Variants in R3HDM4 observed in about 807,000 individuals in gnomAD.
R3HDM4 encodes R3H domain-containing protein 4.
R3HDM4 carries 30 observed loss-of-function variants against 31.3 expected under a neutral mutation model. The observed-to-expected ratio is 0.96, with a 90% CI of 0.72 to 1.30. R3HDM4 has a LOEUF of 1.30. Ranked by LOEUF, R3HDM4 falls within the 50% of genes most tolerant of loss-of-function variation. The pLI, the probability that R3HDM4 is intolerant of heterozygous loss-of-function variation, is 0.00. For synonymous variants in R3HDM4, 196 were observed against 156.6 expected, an observed-to-expected ratio of 1.25 and a Z score of -1.88; for missense variants, 444 against 366.1, an observed-to-expected ratio of 1.21 and a Z score of -1.74.
rs865933260 is a variant in R3HDM4, at chr19:907,234, G to A, written c.72-5104C>T. Among the ~76,000 whole-genome samples, 2 of 152,166 alleles carry A rather than the reference G, an allele frequency of 1.3e-5. No individual in the cohort carries two copies. Among genetic ancestry groups the A allele is most frequent in the Non-Finnish European group, 2.9e-5 (2 of 68,036 alleles). On this transcript the variant is annotated intron_variant, in intron 1 of 7. Coordinates refer to ENST00000361574, the MANE Select transcript of R3HDM4 (RefSeq NM_138774.4). This position sits in a 1 kb window ranked among gnomAD's most constrained non-coding sequence, Gnocchi z 4.1. ...GCCCTCAGCACAGAGCACAGCAGCCGACGGGTACTCAGTGGGAATACAGGG... is the reference window on the plus strand; with the variant it reads ...GCCCTCAGCACAGAGCACAGCAGCCAACGGGTACTCAGTGGGAATACAGGG...
rs1168727808 is a variant in R3HDM4, at chr19:899,682, GT to G, written c.565del (p.Thr189ArgfsTer25). 6.3e-7 allele frequency: 1 copy of G among 1,584,218 alleles called. No homozygotes were observed. The highest frequency in any genetic ancestry group is 1.4e-5 in the African/African-American group (1 of 73,624). ...CAGCCGCTCCTCCCAGGTCTCCAGC[GT>G]TTCCTGGGGAGAGCGGCCCGGTGGT... is the stretch of plus-strand genomic sequence containing the variant. Reference protein sequence around the residue: ...VLKRSRIPMETLETWEERLLR... With the variant: ...VLKRSRIPMEXLETWEERLLR... On this transcript the variant is annotated frameshift_variant, in exon 6 of 8. Transcript: ENST00000361574. LOFTEE classifies it high-confidence loss of function. The surrounding 1 kb of genome is among the most constrained non-coding windows in gnomAD (Gnocchi z 6.8).
In R3HDM4 at chr19:900,860, C is replaced by G. The variant is rs200874967; in HGVS notation, c.444G>C (p.Arg148Ser). ...EDEGRSKARR[R>S]GPGRGEDRRR... is the part of the protein sequence containing the mutation. ...TCCGGTCCTCCCCACGGCCAGGGCC[C>G]CTCCTCCGCGCCTTGCTCCTGCCCT... is the stretch of plus-strand genomic sequence containing the variant. The change falls in exon 4 of 8, where the codon AGG becomes AGC. Residue 148 changes from arginine to serine, a missense_variant. Coordinates refer to ENST00000361574, the MANE Select transcript of R3HDM4 (RefSeq NM_138774.4). 405 of 1,553,356 alleles carry G rather than the reference C, an allele frequency of 2.6e-4. No homozygotes were observed. The highest frequency in any genetic ancestry group is 2.1e-4 in the Middle Eastern group (1 of 4,818).
intron 1 of R3HDM4, among the ~76,000 whole-genome samples, chr19:906,786 G>A (rs766073198): frequency 4.7e-5 from 7 of 148,006 alleles, no homozygotes; most frequent in Non-Finnish European, 1.1e-4. Flanking sequence ...TTACTTTGAT[G>A]CCCATTATAC....
chr19:901,149 C>T, intron 3 of R3HDM4, 197 bp from the exon 4 acceptor site: 1 of 725,450 alleles, frequency 1.4e-6, no homozygotes, highest in Non-Finnish European at 2.2e-6. Flanking sequence ...GCCCAGCTGT[C>T]TCGGGGTGGG....
chr19:898,363 C>T (rs2036771441), intron 7 of R3HDM4, among the ~76,000 whole-genome samples: 1 of 146,078 alleles, frequency 6.8e-6, no homozygotes, highest in African/African-American at 2.5e-5. Flanking sequence ...TGAGATCGCG[C>T]CACTGCACTC....
intron 1 of R3HDM4, among the ~76,000 whole-genome samples, chr19:911,045 C>G (rs1158377302): frequency 6.6e-6 from 1 of 152,048 alleles, no homozygotes; most frequent in Non-Finnish European, 1.5e-5. Context: ...GGCGTGAACC[C>G]AGGAGGCGGA....
Position 900,930 on chromosome 19 carries a change from C to A in R3HDM4, c.374G>T (p.Arg125Leu). Residue 125 changes from arginine (R) to leucine (L), a missense_variant, in exon 4 of 8, where the codon CGC (arginine) becomes CTC (leucine). Transcript: ENST00000361574. ...YVEVWNDFMN[R>L]SGEEQERVLR... is the part of the protein sequence containing the mutation. ...AACCCGCTCCTGCTCCTCCCCGGAG[C>A]GGTTCATGAAATCGTTCCAGACCTG... 1 of 1,607,024 alleles carries A rather than the reference C, an allele frequency of 6.2e-7. No homozygotes were observed.
Position 907,942 on chromosome 19 carries a change from C to G in R3HDM4, c.71+5145G>C, listed in dbSNP as rs1231841194. On this transcript the variant is annotated intron_variant, in intron 1 of 7. Coordinates refer to ENST00000361574, the MANE Select transcript of R3HDM4 (RefSeq NM_138774.4). The surrounding 1 kb of genome is among the most constrained non-coding windows in gnomAD (Gnocchi z 4.1). ...TAAGAAACATCTTCAAGCTTGTCATCCCAGCACTTTGGGAGGCCGAGGCGG... is the reference window on the plus strand; with the variant it reads ...TAAGAAACATCTTCAAGCTTGTCATGCCAGCACTTTGGGAGGCCGAGGCGG... Among the ~76,000 whole-genome samples the G allele has an allele frequency of 1.3e-5, 2 of 152,200 alleles. No individual in the cohort carries two copies. Among genetic ancestry groups the G allele is most frequent in the Non-Finnish European group, 2.9e-5 (2 of 68,048 alleles).
At position 899,773 on chromosome 19, in the gene R3HDM4, G is replaced by A. The variant is rs914186155; in HGVS notation, c.562-87C>T. On this transcript the variant is annotated intron_variant, in intron 5 of 7. Coordinates refer to ENST00000361574, the MANE Select transcript of R3HDM4 (RefSeq NM_138774.4). The surrounding 1 kb of genome is among the most constrained non-coding windows in gnomAD (Gnocchi z 6.8). ...TCCAGGGCCCCCAGGAGCCCACAGC[G>A]CTGGGCTCAAACATGACCTCTGACC... 54 of 1,116,094 alleles carry A rather than the reference G, an allele frequency of 4.8e-5. No individual in the cohort carries two copies. Among genetic ancestry groups the A allele is most frequent in the African/African-American group, 6.3e-5 (4 of 63,500 alleles). The allele number at this position is 1,116,094 out of a possible 1,614,324, so 69.1% of individuals were successfully genotyped here.
chr19:899,297 CCT>C lies in R3HDM4; in HGVS notation c.703+141_703+142del, dbSNP rs2036790857. On this transcript the variant is annotated intron_variant, in intron 7 of 7. Transcript: ENST00000361574. This position sits in a 1 kb window ranked among gnomAD's most constrained non-coding sequence, Gnocchi z 6.8. ...TTCAAGGCAGGGTCCCACTGCCACC[CCT>C]GAGTTCGTAGCGTCCCCACTCCAGC... The C allele has an allele frequency of 1.2e-6, 1 of 814,138 alleles. No homozygotes were observed. The highest frequency in any genetic ancestry group is 2.0e-6 in the Non-Finnish European group (1 of 498,532). The allele number at this position is 814,138 out of a possible 1,614,324, so 50.4% of individuals were successfully genotyped here.
At chr19:904,143 G>A (rs951462064) in intron 1 of R3HDM4, among the ~76,000 whole-genome samples, 1 of 152,146 alleles carries the variant, frequency 6.6e-6, no homozygotes, top group African/African-American at 2.4e-5. Flanking sequence ...AGGGTCTGGG[G>A]GTACCAGGAT....
chr19:901,722 C>T (rs978671535), intron 2 of R3HDM4, 176 bp from the exon 3 acceptor site: 14 of 940,156 alleles, frequency 1.5e-5, no homozygotes, highest in East Asian at 7.8e-5. Flanking sequence ...TCTGGATTGT[C>T]GAACTCCTAT....
At position 901,957 on chromosome 19, in the gene R3HDM4, C is replaced by A; in HGVS notation, c.226+19G>T. On this transcript the variant is annotated intron_variant, in intron 2 of 7. Coordinates refer to ENST00000361574, the MANE Select transcript of R3HDM4 (RefSeq NM_138774.4). ...AAGGCCCAGGAGCCCCCAGGAGGCG[C>A]CTCCCGACCCCTGCTCACTGTTCTC... 2 of 1,612,758 alleles carry A rather than the reference C, an allele frequency of 1.2e-6. No homozygotes were observed. Among genetic ancestry groups the A allele is most frequent in the Non-Finnish European group, 1.7e-6 (2 of 1,179,782 alleles).
chr19:901,839 G>T, intron 2 of R3HDM4, 137 bp downstream of exon 2: 2 of 954,752 alleles, frequency 2.1e-6, no homozygotes, highest in Non-Finnish European at 3.0e-6. Context: ...TGGTCCCCCG[G>T]CCTACAGCTG....
intron 1 of R3HDM4, among the ~76,000 whole-genome samples, chr19:902,993 A>C (rs549798601): frequency 1.3e-5 from 2 of 152,320 alleles, no homozygotes; most frequent in Admixed American, 1.3e-4. Context: ...GGCTCAGAGA[A>C]GTGAAGACAC....
chr19:910,147 G>A (rs1286091204), intron 1 of R3HDM4, among the ~76,000 whole-genome samples: 1 of 151,914 alleles, frequency 6.6e-6, no homozygotes, highest in Non-Finnish European at 1.5e-5. Flanking sequence ...CCAATATGGA[G>A]AAACTCCGTT....
rs1416970996 is a variant in R3HDM4 at position 913,100 on chromosome 19, C to A, written c.58G>T (p.Gly20Trp). ...GPEAAEGTPG[G>W]RRLLPLPSCL... ...GCCCGCGCTCACAGCAGCCGCCGCC[C>A]GCCCGGGGTGCCCTCCGCCGCCTCC... is the stretch of plus-strand genomic sequence containing the variant. Residue 20 changes from glycine (G) to tryptophan (W), a missense_variant, in exon 1 of 8, where the codon GGG becomes TGG. Physicochemically the swap from Gly to Trp is radical, Grantham distance 184 (BLOSUM62 -2). Transcript: ENST00000361574. The surrounding 1 kb of genome is among the most constrained non-coding windows in gnomAD (Gnocchi z 5.0). 44 of 1,077,646 alleles carry A rather than the reference C, an allele frequency of 4.1e-5. 1 individual carries two copies. In the Admixed American group the frequency reaches 2.2e-3, roughly 53 times the overall value. The allele number at this position is 1,077,646 out of a possible 1,614,324, so 66.8% of individuals were successfully genotyped here.
chr19:903,387 A>C (rs1053474987), intron 1 of R3HDM4, among the ~76,000 whole-genome samples: 1 of 152,094 alleles, frequency 6.6e-6, no homozygotes, highest in Admixed American at 6.5e-5. Context: ...CCCACCGAGA[A>C]TCCAAGGGCC....
At position 900,060 on chromosome 19, in the gene R3HDM4, C is replaced by T; in HGVS notation, c.561+1G>A. ...GGGAGGCCCGGCAATCCCCCACTCA[C>T]CATGGGGATGCGGCTGCGCTTGAGG... is the stretch of plus-strand genomic sequence containing the variant. On this transcript the variant is annotated splice_donor_variant, in intron 5 of 7. Coordinates refer to ENST00000361574, the MANE Select transcript of R3HDM4 (RefSeq NM_138774.4). LOFTEE classifies it high-confidence loss of function. 2 of 1,611,140 alleles carry T rather than the reference C, an allele frequency of 1.2e-6. No individual in the cohort carries two copies. Among genetic ancestry groups the T allele is most frequent in the South Asian group, 1.1e-5 (1 of 91,036 alleles).
Sources: allele counts gnomAD v4.1 joint callset (sites outside exome capture counted in the v4.1 genomes callset), GRCh38; gene constraint gnomAD v4.1.1; non-coding constraint Gnocchi (gnomAD v3.1); transcripts MANE v1.5; gene names NCBI Gene and HGNC (gene_info 2026-07-23, HGNC 2026-07-21).